Variants in EXT1 observed in about 807,000 individuals in gnomAD.
EXT1 encodes the protein exostosin-1.
Under a neutral mutation model 82.5 loss-of-function variants are expected in EXT1, and 20 were observed. That is an observed-to-expected ratio of 0.24 (90% CI 0.17 to 0.35). EXT1 has a LOEUF of 0.35. Ranked by LOEUF, EXT1 falls within the 10% of genes least tolerant of loss-of-function variation. The pLI is 1.00. For missense variants in EXT1, 757 were observed against 936.5 expected, an observed-to-expected ratio of 0.81 and a Z score of 2.50; for synonymous variants, 348 against 350.8, an observed-to-expected ratio of 0.99 and a Z score of 0.09.
chr8:118,017,323 A>C (rs1290549743), intron 1 of EXT1, among the ~76,000 whole-genome samples: 3 of 152,202 alleles, frequency 2.0e-5, no homozygotes, highest in African/African-American at 4.8e-5. Flanking sequence ...TTTAAACAAC[A>C]AATCTCACTT....
intron 4 of EXT1, among the ~76,000 whole-genome samples, chr8:117,828,484 G>T (rs1175754162): frequency 6.6e-6 from 1 of 151,750 alleles, no homozygotes; most frequent in African/African-American, 2.4e-5. Flanking sequence ...ATTCCAGCCT[G>T]GTGACAGAGT....
chr8:117,972,848 T>C (rs1302187936), intron 1 of EXT1, among the ~76,000 whole-genome samples: 2 of 152,142 alleles, frequency 1.3e-5, no homozygotes, highest in African/African-American at 4.8e-5. Flanking sequence ...ACTCACTCAC[T>C]ATCATGATAA....
chr8:117,801,224 AGTTCATT>A (rs1823161971), intron 10 of EXT1, among the ~76,000 whole-genome samples: 2 of 152,356 alleles, frequency 1.3e-5, no homozygotes, highest in Middle Eastern at 3.4e-3. Flanking sequence ...GTTTTCATGG[AGTTCATT>A]TGAATCTCAC....
rs1817713263 is a variant in EXT1, at chr8:118,101,183, C to G, written c.962+8902G>C. On this transcript the variant is annotated intron_variant, in intron 1 of 10. Transcript: ENST00000378204. ...TGACCTTCTTAACGACCCTATGAGA[C>G]CAGTATTATGATCCCCATTTCCAGA... Among the ~76,000 whole-genome samples, 5 of 152,264 alleles carry G rather than the reference C, an allele frequency of 3.3e-5. No individual in the cohort carries two copies. The South Asian group carries it at 1.0e-3, about 32-fold the overall frequency.
rs79970528 is a variant in EXT1 at position 117,918,269 on chromosome 8, C to T, written c.963-81068G>A. ...TTCACTCAACAATAGTGAGCTTCTG[C>T]GCTGCACCCAACACAGTGCCAGGTC... On this transcript the variant is annotated intron_variant, in intron 1 of 10. Transcript: ENST00000378204. 3.4e-3 allele frequency among the ~76,000 whole-genome samples: 517 copies of T among 152,294 alleles called. 3 individuals are homozygous for T. The highest frequency in any genetic ancestry group is 0.011 in the African/African-American group (466 of 41,550).
intron 1 of EXT1, among the ~76,000 whole-genome samples, chr8:117,889,472 T>C (rs1813204823): frequency 6.6e-6 from 1 of 152,174 alleles, no homozygotes; most frequent in Admixed American, 6.5e-5. Flanking sequence ...ATATTTTCCT[T>C]AAAAAGCTAG....
intron 1 of EXT1, among the ~76,000 whole-genome samples, chr8:117,984,087 G>C (rs555379344): frequency 6.6e-6 from 1 of 152,226 alleles, no homozygotes. Flanking sequence ...ATGCTACAGG[G>C]AAAGACAAAT....
intron 1 of EXT1, among the ~76,000 whole-genome samples, chr8:118,081,093 G>A (rs17477161): frequency 0.021 from 3,178 of 152,218 alleles, 53 homozygotes; most frequent in East Asian, 0.064. Flanking sequence ...TTACAGAGCA[G>A]CACTAAAAAG....
At chr8:117,958,990 C>A (rs897230779) in intron 1 of EXT1, among the ~76,000 whole-genome samples, 2 of 152,184 alleles carry the variant, frequency 1.3e-5, no homozygotes, top group African/African-American at 4.8e-5. Context: ...CTGCACTGAT[C>A]CTAGTTACTT....
At chr8:117,925,469 C>T (rs1563603058) in intron 1 of EXT1, among the ~76,000 whole-genome samples, 1 of 151,934 alleles carries the variant, frequency 6.6e-6, no homozygotes, top group African/African-American at 2.4e-5. Flanking sequence ...AAAAAGCCTA[C>T]AGAGAAAGAG....
intron 1 of EXT1, among the ~76,000 whole-genome samples, chr8:118,057,520 G>A (rs58730454): frequency 0.021 from 3,118 of 151,826 alleles, 112 homozygotes; most frequent in African/African-American, 0.071. Flanking sequence ...CTCCAGCATG[G>A]GCAACAAGAG....
At chr8:117,809,218 A>AATATATAT (rs71307404) in intron 8 of EXT1, among the ~76,000 whole-genome samples, 3,641 of 107,830 alleles carry the variant, frequency 0.034, 136 homozygotes, top group Admixed American at 0.096. Context: ...TGTGTGTATA[A>AATATATAT]ATATATATAT....
intron 1 of EXT1, among the ~76,000 whole-genome samples, chr8:117,957,428 T>C (rs921060709): frequency 2.0e-5 from 3 of 152,232 alleles, no homozygotes; most frequent in Admixed American, 6.5e-5. Flanking sequence ...GAGTTCATAA[T>C]GGCCCTTCCC....
At chr8:117,894,181 TTCTTTTCTTTTC>T (rs1377504660) in intron 1 of EXT1, among the ~76,000 whole-genome samples, 7 of 152,170 alleles carry the variant, frequency 4.6e-5, no homozygotes, top group South Asian at 2.1e-4. Context: ...TTTCTTTCTT[TTCTTTTCTTTTC>T]TCTTTTCTTT....
rs140474564 is a variant in EXT1 at position 117,986,707 on chromosome 8, G to A, written c.962+123378C>T. Among the ~76,000 whole-genome samples, 831 of 152,142 alleles carry A rather than the reference G, an allele frequency of 5.5e-3. 13 individuals are homozygous for A. The highest frequency in any genetic ancestry group is 0.019 in the African/African-American group (792 of 41,510). Reference sequence around the variant, plus strand: ...TAGGCTCATTTTTTAAAAACATACCGGACCACTTCGTGGGTTCTTATTTAA... The same window carrying A: ...TAGGCTCATTTTTTAAAAACATACCAGACCACTTCGTGGGTTCTTATTTAA... On this transcript the variant is annotated intron_variant, in intron 1 of 10. Transcript: ENST00000378204.
intron 1 of EXT1, among the ~76,000 whole-genome samples, chr8:118,108,724 C>T (rs964118674): frequency 6.6e-6 from 1 of 152,162 alleles, no homozygotes; most frequent in African/African-American, 2.4e-5. Flanking sequence ...TTTAATTTCC[C>T]TTCCAATCAC....
chr8:118,002,238 T>C (rs1261842654), intron 1 of EXT1, among the ~76,000 whole-genome samples: 1 of 151,914 alleles, frequency 6.6e-6, no homozygotes, highest in East Asian at 1.9e-4. Flanking sequence ...AGTTGTTATC[T>C]TTACACTAAG....
At chr8:117,980,316 T>C (rs1308764749) in intron 1 of EXT1, among the ~76,000 whole-genome samples, 1 of 152,092 alleles carries the variant, frequency 6.6e-6, no homozygotes, top group Non-Finnish European at 1.5e-5. Context: ...ATGCAATCTA[T>C]CCCCAACCCC....
At chr8:118,017,488 TCACCACTGTATCTCCCCTC>T (rs532389844) in intron 1 of EXT1, among the ~76,000 whole-genome samples, 55 of 152,148 alleles carry the variant, frequency 3.6e-4, no homozygotes, top group Admixed American at 2.7e-3. Flanking sequence ...TTATCTCCCC[TCACCACTGTATCTCCCCTC>T]CACCACTGTA....
Sources: gnomAD v4.1 joint callset for allele counts (sites outside exome capture counted in the v4.1 genomes callset) on GRCh38, gnomAD v4.1.1 for gene constraint, MANE v1.5 for transcripts, NCBI Gene and HGNC (gene_info 2026-07-23, HGNC 2026-07-21) for gene names.